The following RBFOX1 variants were observed in gnomAD, a reference collection of about 807,000 sequenced individuals.
RBFOX1 encodes RNA binding fox-1 homolog 1.
Under a neutral mutation model 57.7 loss-of-function variants are expected in RBFOX1, and 8 were observed. That is an observed-to-expected ratio of 0.14 (90% confidence interval 0.08 to 0.25). The LOEUF (loss-of-function observed/expected upper bound fraction) is 0.25, where lower values mean the gene tolerates loss of function less well. RBFOX1 is among the 10% of genes least tolerant of loss of function. The probability of loss-of-function intolerance (pLI) is 1.00; values close to 1 mark genes in which losing one functional copy is unlikely to be tolerated. For synonymous variants in RBFOX1, 326 were observed against 222.4 expected, an observed-to-expected ratio of 1.47 and a Z score of -4.15; for missense variants, 611 against 548.5, an observed-to-expected ratio of 1.11 and a Z score of -1.14.
At chr16:7,543,868 G>A (rs960135095) in intron 5 of RBFOX1, among the ~76,000 whole-genome samples, 3 of 144,116 alleles carry the variant, frequency 2.1e-5, no homozygotes, top group South Asian at 4.8e-4. Flanking sequence ...TTATAGGCAC[G>A]CACCACCACG....
intron 1 of RBFOX1, among the ~76,000 whole-genome samples, chr16:6,172,293 C>T (rs1184872757): frequency 2.6e-5 from 4 of 151,966 alleles, no homozygotes; most frequent in African/African-American, 9.7e-5. Context: ...ACAACGTCCT[C>T]ATCTTCTGCA....
chr16:5,662,673 G>C (rs74004460), intron 3 of RBFOX1, among the ~76,000 whole-genome samples: 1 of 152,260 alleles, frequency 6.6e-6, no homozygotes, highest in Non-Finnish European at 1.5e-5. Context: ...GAAATATGGA[G>C]AATTGTGTGG....
At chr16:6,025,512 C>A (rs1025127304) in intron 1 of RBFOX1, among the ~76,000 whole-genome samples, 2 of 152,152 alleles carry the variant, frequency 1.3e-5, no homozygotes, top group Admixed American at 1.3e-4. Context: ...TTCTTGTGTG[C>A]CTGCATGAGC....
intron 2 of RBFOX1, among the ~76,000 whole-genome samples, chr16:6,507,225 C>T (rs1042993449): frequency 1.3e-5 from 2 of 152,116 alleles, no homozygotes; most frequent in Non-Finnish European, 2.9e-5. Context: ...CCATTATACA[C>T]ATGATAGACA....
intron 1 of RBFOX1, among the ~76,000 whole-genome samples, chr16:6,154,856 A>G (rs1213437583): frequency 6.6e-6 from 1 of 152,218 alleles, no homozygotes; most frequent in Non-Finnish European, 1.5e-5. Context: ...ATACAAAACA[A>G]TGTAAAAAAA....
chr16:7,402,206 A>G (rs1451258631), intron 4 of RBFOX1, among the ~76,000 whole-genome samples: 1 of 152,082 alleles, frequency 6.6e-6, no homozygotes, highest in African/African-American at 2.4e-5. Flanking sequence ...ACATTTAAGT[A>G]CTCACTGAGT....
chr16:7,701,871 C>G (rs2080851293), intron 14 of RBFOX1, among the ~76,000 whole-genome samples: 1 of 152,174 alleles, frequency 6.6e-6, no homozygotes, highest in Non-Finnish European at 1.5e-5. Flanking sequence ...CTGAATTTCC[C>G]AATACATCCA....
At chr16:6,320,670 C>T (rs965077376) in intron 2 of RBFOX1, among the ~76,000 whole-genome samples, 2 of 151,858 alleles carry the variant, frequency 1.3e-5, no homozygotes, top group Admixed American at 6.6e-5. Context: ...CTGTGCTGTT[C>T]AATATGGTTA....
chr16:6,595,712 G>A (rs540788352), intron 2 of RBFOX1, among the ~76,000 whole-genome samples: 35 of 151,960 alleles, frequency 2.3e-4, no homozygotes, highest in African/African-American at 7.2e-4. Context: ...ACATCGTCAC[G>A]AATACTTGTT....
At chr16:6,212,657 A>C (rs747648570) in intron 1 of RBFOX1, among the ~76,000 whole-genome samples, 9 of 152,158 alleles carry the variant, frequency 5.9e-5, no homozygotes. Flanking sequence ...CAGTGAGCTG[A>C]GATCGTGCCA....
chr16:5,750,585 C>A (rs1332559282), intron 3 of RBFOX1, among the ~76,000 whole-genome samples: 4 of 152,240 alleles, frequency 2.6e-5, no homozygotes, highest in African/African-American at 9.6e-5. Context: ...CCTCCCCCAG[C>A]CTCGCTGCCG....
chr16:6,239,192 T>A (rs1425290329), intron 1 of RBFOX1, among the ~76,000 whole-genome samples: 1 of 152,152 alleles, frequency 6.6e-6, no homozygotes, highest in Non-Finnish European at 1.5e-5. Flanking sequence ...TATGAATGAA[T>A]GAATAGCCCT....
chr16:6,492,124 G>C (rs2095646177), intron 2 of RBFOX1, among the ~76,000 whole-genome samples: 1 of 151,886 alleles, frequency 6.6e-6, no homozygotes, highest in African/African-American at 2.4e-5. Context: ...GAAAGTGTGT[G>C]TGTGTGTGCG....
chr16:6,063,854 T>G (rs2152466165), intron 1 of RBFOX1, among the ~76,000 whole-genome samples: 1 of 152,298 alleles, frequency 6.6e-6, no homozygotes, highest in African/African-American at 2.4e-5. Flanking sequence ...GTCCTTAAGT[T>G]GTCTGTCTTT....
intron 4 of RBFOX1, among the ~76,000 whole-genome samples, chr16:7,089,329 C>T (rs1194328805): frequency 1.3e-5 from 2 of 152,064 alleles, no homozygotes; most frequent in Admixed American, 6.6e-5. Flanking sequence ...ACACTGAATT[C>T]TCATAACATT....
At chr16:7,015,201 C>G (rs1212687140) in intron 3 of RBFOX1, among the ~76,000 whole-genome samples, 1 of 152,142 alleles carries the variant, frequency 6.6e-6, no homozygotes, top group African/African-American at 2.4e-5. Context: ...GCAGCAGATG[C>G]ATCCAGTGGC....
At chr16:7,654,247 G>A (rs1462440210) in intron 12 of RBFOX1, among the ~76,000 whole-genome samples, 1 of 152,232 alleles carries the variant, frequency 6.6e-6, no homozygotes, top group Non-Finnish European at 1.5e-5. Context: ...AGCCAAAGAT[G>A]TATTTCTGAT....
chr16:6,646,652 T>C (rs2098537311), intron 2 of RBFOX1, among the ~76,000 whole-genome samples: 1 of 152,082 alleles, frequency 6.6e-6, no homozygotes, highest in South Asian at 2.1e-4. Context: ...TTTCACCTGG[T>C]CAGAACGGGC....
chr16:6,656,574 G>T (rs1004306857), intron 3 of RBFOX1, among the ~76,000 whole-genome samples: 1 of 147,788 alleles, frequency 6.8e-6, no homozygotes, highest in Non-Finnish European at 1.5e-5. Flanking sequence ...TGTGATTTCA[G>T]CTCTTCTCAA....
Sources: allele counts gnomAD v4.1 joint callset (sites outside exome capture counted in the v4.1 genomes callset), GRCh38; gene constraint gnomAD v4.1.1; transcripts MANE v1.5; gene names NCBI Gene and HGNC (gene_info 2026-07-23, HGNC 2026-07-21).